The following IPO11 variants were observed in gnomAD, a reference collection of about 807,000 sequenced individuals.
IPO11 encodes the protein importin-11.
Under a neutral mutation model 143.2 loss-of-function variants are expected in IPO11, and 66 were observed. The ratio of observed to expected loss-of-function variants is 0.46; its 90% CI spans 0.38 to 0.57. The LOEUF (loss-of-function observed/expected upper bound fraction) is 0.57. IPO11 is among the 20% of genes least tolerant of loss of function. The pLI, the probability that IPO11 is intolerant of heterozygous loss-of-function variation, is 0.00. For missense variants in IPO11, 1,026 were observed against 1,141.0 expected, an observed-to-expected ratio of 0.90 and a Z score of 1.45; for synonymous variants, 385 against 377.8, an observed-to-expected ratio of 1.02 and a Z score of -0.22.
At chr5:62,516,537 G>T (rs971918929) in intron 20 of IPO11, among the ~76,000 whole-genome samples, 1 of 151,878 alleles carries the variant, frequency 6.6e-6, no homozygotes, top group Admixed American at 6.6e-5. Flanking sequence ...CAAGTGATCC[G>T]CCCACCTCAG....
chr5:62,539,557 C>A (rs556107401), intron 24 of IPO11, among the ~76,000 whole-genome samples: 3 of 152,238 alleles, frequency 2.0e-5, no homozygotes, highest in South Asian at 4.1e-4. Context: ...GCCACTGTTA[C>A]CAAAGAATCA....
chr5:62,503,543 G>A (rs1021291571), intron 16 of IPO11, among the ~76,000 whole-genome samples: 3 of 151,914 alleles, frequency 2.0e-5, no homozygotes, highest in African/African-American at 4.8e-5. Flanking sequence ...ACACAGTGCC[G>A]ATGATAGTTC....
At chr5:62,520,027 G>T (rs922509822) in intron 20 of IPO11, among the ~76,000 whole-genome samples, 1 of 152,174 alleles carries the variant, frequency 6.6e-6, no homozygotes, top group Non-Finnish European at 1.5e-5. Context: ...TCCCCCGAGG[G>T]TTTTAATCTG....
At chr5:62,451,626 C>T (rs1266862643) in intron 4 of IPO11, 104 bp from the exon 5 acceptor site, 12 of 853,288 alleles carry the variant, frequency 1.4e-5, no homozygotes, top group Admixed American at 4.4e-5. Flanking sequence ...TCAGTGAAAT[C>T]GTATTCATTT....
At chr5:62,474,207 T>C (rs1745879648) in intron 7 of IPO11, among the ~76,000 whole-genome samples, 2 of 152,188 alleles carry the variant, frequency 1.3e-5, no homozygotes, top group African/African-American at 2.4e-5. Flanking sequence ...CTAAATGAGA[T>C]ATTGAAGGGA....
chr5:62,558,364 A>G (rs936185987), intron 26 of IPO11, among the ~76,000 whole-genome samples: 1 of 152,220 alleles, frequency 6.6e-6, no homozygotes, highest in Non-Finnish European at 1.5e-5. Context: ...AGTGTTCAAG[A>G]ACTACGTAAA....
At chr5:62,517,792 T>TCC (rs1220752190) in intron 20 of IPO11, among the ~76,000 whole-genome samples, 3 of 152,338 alleles carry the variant, frequency 2.0e-5, no homozygotes, top group African/African-American at 7.2e-5. Flanking sequence ...GCAGTGTTAC[T>TCC]TCAAGTAGTC....
intron 16 of IPO11, among the ~76,000 whole-genome samples, chr5:62,495,517 T>C (rs1488750198): frequency 6.6e-6 from 1 of 152,160 alleles, no homozygotes; most frequent in African/African-American, 2.4e-5. Flanking sequence ...CTTTTTTGCC[T>C]CGGTTGCAGT....
chr5:62,432,621 T>G (rs1037136320), intron 1 of IPO11, among the ~76,000 whole-genome samples: 4 of 152,238 alleles, frequency 2.6e-5, no homozygotes, highest in African/African-American at 9.6e-5. Flanking sequence ...TGTATGCGGT[T>G]AAGACATTTT....
chr5:62,458,330 T>G (rs1745235489), intron 5 of IPO11, among the ~76,000 whole-genome samples: 1 of 123,606 alleles, frequency 8.1e-6, no homozygotes, highest in South Asian at 3.1e-4. Context: ...GGATTGAGTC[T>G]TGCTGTGTCA....
At chr5:62,435,205 T>C (rs1210147801) in intron 1 of IPO11, among the ~76,000 whole-genome samples, 15 of 99,428 alleles carry the variant, frequency 1.5e-4, no homozygotes, top group Non-Finnish European at 3.2e-4. Flanking sequence ...TATATGTATA[T>C]ATATGTGTAT....
intron 16 of IPO11, among the ~76,000 whole-genome samples, chr5:62,499,327 A>T (rs1206052400): frequency 6.6e-6 from 1 of 152,228 alleles, no homozygotes; most frequent in African/African-American, 2.4e-5. Context: ...GAAAAGGTAC[A>T]GTAAGAATAT....
intron 29 of IPO11, among the ~76,000 whole-genome samples, chr5:62,609,278 G>A (rs1160819850): frequency 6.6e-6 from 1 of 152,200 alleles, no homozygotes; most frequent in African/African-American, 2.4e-5. Flanking sequence ...GTTCCCATCT[G>A]TTCTTGTAGG....
intron 1 of IPO11, among the ~76,000 whole-genome samples, chr5:62,435,473 C>T (rs1744189217): frequency 6.6e-6 from 1 of 151,454 alleles, no homozygotes; most frequent in Admixed American, 6.6e-5. Flanking sequence ...TGGTGCATGT[C>T]TGTGTTCCCA....
At chr5:62,497,404 C>G (rs531889059) in intron 16 of IPO11, among the ~76,000 whole-genome samples, 4 of 152,266 alleles carry the variant, frequency 2.6e-5, no homozygotes, top group African/African-American at 9.6e-5. Context: ...TTGAATTCCT[C>G]TTTCTCTTTC....
At chr5:62,423,569 C>T (rs1408498554) in intron 1 of IPO11, among the ~76,000 whole-genome samples, 3 of 152,108 alleles carry the variant, frequency 2.0e-5, no homozygotes, top group South Asian at 4.1e-4. Context: ...TGTCCGTTAG[C>T]GGCCATTTTA....
intron 24 of IPO11, among the ~76,000 whole-genome samples, chr5:62,543,909 G>A (rs914382473): frequency 7.9e-5 from 12 of 152,112 alleles, no homozygotes; most frequent in African/African-American, 2.9e-4. Context: ...TGGTTTCAAA[G>A]AACAGCTTTA....
intron 1 of IPO11, among the ~76,000 whole-genome samples, chr5:62,417,108 TTA>T (rs1274001021): frequency 2.5e-4 from 37 of 147,738 alleles, no homozygotes; most frequent in Non-Finnish European, 4.0e-4. Context: ...TTATCTATAA[TTA>T]TTTTTCTTAG....
chr5:62,515,663 A>G (rs1413059207), intron 20 of IPO11, among the ~76,000 whole-genome samples, 162 bp downstream of exon 20: 1 of 152,210 alleles, frequency 6.6e-6, no homozygotes, highest in African/African-American at 2.4e-5. Context: ...TTTAAAAACA[A>G]CTTTTGCATG....
Sources: gnomAD v4.1 joint callset for allele counts (sites outside exome capture counted in the v4.1 genomes callset) on GRCh38, gnomAD v4.1.1 for gene constraint, MANE v1.5 for transcripts, NCBI Gene and HGNC (gene_info 2026-07-23, HGNC 2026-07-21) for gene names.